Variants in GRIA4 observed in about 807,000 individuals in gnomAD.
GRIA4 encodes glutamate receptor 4.
In GRIA4, 34 loss-of-function variants were observed where a neutral mutation model predicts 104.0. The observed-to-expected ratio is 0.33, with a 90% confidence interval of 0.25 to 0.44. GRIA4 has a LOEUF of 0.44. Among genes scored for constraint, GRIA4 ranks in the 20% least tolerant of loss-of-function variants. GRIA4 has a pLI of 1.00. For synonymous variants in GRIA4, 386 were observed against 381.9 expected (o/e 1.01, Z -0.13); for missense variants, 750 against 1,096.5 (o/e 0.68, Z 4.46).
chr11:105,792,673 T>C (rs1942264400), intron 4 of GRIA4, among the ~76,000 whole-genome samples: 1 of 152,138 alleles, frequency 6.6e-6, no homozygotes, highest in Non-Finnish European at 1.5e-5. Context: ...TAAATATCAA[T>C]AAAAGGAATG....
chr11:105,685,874 T>C (rs988987265), intron 3 of GRIA4, among the ~76,000 whole-genome samples: 2 of 151,980 alleles, frequency 1.3e-5, no homozygotes, highest in African/African-American at 2.4e-5. Context: ...AGTGAATACG[T>C]TTGAAATCTA....
At chr11:105,677,162 A>G (rs1591546100) in intron 3 of GRIA4, among the ~76,000 whole-genome samples, 1 of 151,812 alleles carries the variant, frequency 6.6e-6, no homozygotes, top group African/African-American at 2.4e-5. Context: ...CATTTTTTAA[A>G]ATTTTTATTT....
intron 3 of GRIA4, among the ~76,000 whole-genome samples, chr11:105,731,719 A>G (rs1938600034): frequency 6.6e-6 from 1 of 152,106 alleles, no homozygotes; most frequent in Non-Finnish European, 1.5e-5. Flanking sequence ...GAGTTCATGT[A>G]CTTTGCAGGG....
At chr11:105,652,015 T>C (rs1476975774) in intron 3 of GRIA4, among the ~76,000 whole-genome samples, 1 of 152,144 alleles carries the variant, frequency 6.6e-6, no homozygotes, top group Non-Finnish European at 1.5e-5. Context: ...AAGTTAACTT[T>C]CTGATATTTT....
intron 3 of GRIA4, among the ~76,000 whole-genome samples, chr11:105,649,962 T>C (rs1951639719): frequency 6.6e-6 from 1 of 152,072 alleles, no homozygotes; most frequent in African/African-American, 2.4e-5. Flanking sequence ...CAATTTTGAA[T>C]TATCTAAGAA....
chr11:105,919,023 C>T (rs2136184801), intron 11 of GRIA4, 105 bp downstream of exon 11: 1 of 703,068 alleles, frequency 1.4e-6, no homozygotes, highest in Admixed American at 2.2e-5. Context: ...TAATTTGCAG[C>T]AACATTCCAA....
chr11:105,628,571 A>C (rs1950949298), intron 3 of GRIA4, among the ~76,000 whole-genome samples: 2 of 152,170 alleles, frequency 1.3e-5, no homozygotes, highest in Non-Finnish European at 2.9e-5. Context: ...CATATGAAGA[A>C]GAACGTGTTT....
Position 105,931,302 on chromosome 11 carries a change from A to G in GRIA4, c.2047-2420A>G, listed in dbSNP as rs1288284161. Among the ~76,000 whole-genome samples the G allele has an allele frequency of 3.4e-5, 5 of 148,410 alleles. No individual in the cohort carries two copies. In the Admixed American group the frequency reaches 3.4e-4, roughly 10 times the overall value. On this transcript the variant is annotated intron_variant, in intron 13 of 16. Coordinates refer to ENST00000282499, the MANE Select transcript of GRIA4 (RefSeq NM_000829.4). ...CACACACACACACACACACACACACACCAATCTTCATATCATGAGATATTT... is the reference window on the plus strand; with the variant it reads ...CACACACACACACACACACACACACGCCAATCTTCATATCATGAGATATTT...
At chr11:105,818,363 C>T (rs375569769) in intron 4 of GRIA4, among the ~76,000 whole-genome samples, 1 of 152,080 alleles carries the variant, frequency 6.6e-6, no homozygotes, top group Non-Finnish European at 1.5e-5. Context: ...TTTTTACATT[C>T]AGAGAGTGGC....
At chr11:105,927,844 G>A (rs1043035638) in intron 13 of GRIA4, among the ~76,000 whole-genome samples, 3 of 151,770 alleles carry the variant, frequency 2.0e-5, no homozygotes, top group Non-Finnish European at 2.9e-5. Flanking sequence ...TATGAATATC[G>A]AACTAGGTAA....
chr11:105,920,677 A>G (rs1947533888), intron 11 of GRIA4, among the ~76,000 whole-genome samples: 1 of 152,164 alleles, frequency 6.6e-6, no homozygotes, highest in Non-Finnish European at 1.5e-5. Context: ...AGTCCTATAC[A>G]TGTCACAATA....
intron 3 of GRIA4, among the ~76,000 whole-genome samples, chr11:105,749,545 T>C (rs777696980): frequency 2.0e-5 from 3 of 152,198 alleles, no homozygotes; most frequent in Non-Finnish European, 4.4e-5. Flanking sequence ...TGGATTGATG[T>C]CCCATAACTT....
intron 4 of GRIA4, among the ~76,000 whole-genome samples, chr11:105,780,890 T>G (rs1941698633): frequency 6.6e-6 from 1 of 152,116 alleles, no homozygotes; most frequent in Admixed American, 6.6e-5. Flanking sequence ...TTGATTAAAG[T>G]GACAAAAGAA....
intron 3 of GRIA4, among the ~76,000 whole-genome samples, chr11:105,634,476 A>AGAAAGAAAGAAAGAAAGG (rs1951137760): frequency 1.9e-5 from 1 of 53,224 alleles, no homozygotes; most frequent in African/African-American, 5.5e-5. Flanking sequence ...AGGGAAAGAA[A>AGAAAGAAAGAAAGAAAGG]GAAAGAAAGA....
chr11:105,957,176 T>C (rs931363326), intron 14 of GRIA4, among the ~76,000 whole-genome samples: 8 of 152,218 alleles, frequency 5.3e-5, no homozygotes, highest in African/African-American at 1.9e-4. Flanking sequence ...AGTCACAAAG[T>C]CCTTGCCCAT....
chr11:105,817,984 A>C (rs1253221040), intron 4 of GRIA4, among the ~76,000 whole-genome samples: 2 of 152,164 alleles, frequency 1.3e-5, no homozygotes, highest in African/African-American at 2.4e-5. Context: ...ATGCTGTAGA[A>C]TAGAGCTCAG....
chr11:105,923,994 A>G (rs1947639112), intron 11 of GRIA4, among the ~76,000 whole-genome samples: 1 of 152,160 alleles, frequency 6.6e-6, no homozygotes, highest in Non-Finnish European at 1.5e-5. Flanking sequence ...CAATGCTCCA[A>G]ATGAAACAGA....
At chr11:105,770,366 A>G (rs188561783) in intron 4 of GRIA4, among the ~76,000 whole-genome samples, 23 of 152,160 alleles carry the variant, frequency 1.5e-4, no homozygotes, top group African/African-American at 5.5e-4. Flanking sequence ...TTTTCCATTT[A>G]TGATGCATAT....
At chr11:105,735,343 A>G (rs1022544875) in intron 3 of GRIA4, among the ~76,000 whole-genome samples, 1 of 152,196 alleles carries the variant, frequency 6.6e-6, no homozygotes, top group African/African-American at 2.4e-5. Flanking sequence ...AGAAAGGATA[A>G]TAATTTATTA....
Sources: allele counts gnomAD v4.1 joint callset (sites outside exome capture counted in the v4.1 genomes callset), GRCh38; gene constraint gnomAD v4.1.1; transcripts MANE v1.5; gene names NCBI Gene and HGNC (gene_info 2026-07-23, HGNC 2026-07-21).